Variants in VWF observed in about 807,000 individuals in gnomAD.
VWF encodes the protein Factor VIII related antigen.
VWF carries 176 observed loss-of-function variants against 308.6 expected under a neutral mutation model. The ratio of observed to expected loss-of-function variants is 0.57; its 90% CI spans 0.50 to 0.65. The LOEUF is 0.65. Ranked by LOEUF, VWF falls within the 30% of genes least tolerant of loss-of-function variation. VWF has a pLI of 0.00. For synonymous variants in VWF, 1,385 were observed against 1,443.4 expected, an observed-to-expected ratio of 0.96 and a Z score of 0.92; for missense variants, 3,146 against 3,648.2, an observed-to-expected ratio of 0.86 and a Z score of 3.55.
chr12:6,014,416 G>A (rs1334510476), intron 31 of VWF, among the ~76,000 whole-genome samples: 2 of 152,208 alleles, frequency 1.3e-5, no homozygotes, highest in Non-Finnish European at 2.9e-5. Flanking sequence ...CAGTTAGACA[G>A]CTATTTCAAT....
At chr12:6,116,650 A>G (rs1322103918) in intron 3 of VWF, among the ~76,000 whole-genome samples, 3 of 152,194 alleles carry the variant, frequency 2.0e-5, no homozygotes, top group Non-Finnish European at 4.4e-5. Flanking sequence ...AGCAGGAACC[A>G]GGACTCCCAT....
rs1944115479 is a variant in VWF, at chr12:6,020,290, A to C, written c.3675-547T>G. The stretch of plus-strand genomic sequence containing the variant: ...TAACGAAGAGAGAAAAAATTGGAGC[A>C]AAAACATTGTAGAAAGATGAATAAA... On this transcript the variant is annotated intron_variant, in intron 27 of 51. Transcript: ENST00000261405. The surrounding 1 kb of genome is among the most constrained non-coding windows in gnomAD (Gnocchi z 4.3). Among the ~76,000 whole-genome samples the C allele has an allele frequency of 6.6e-6, 1 of 152,278 alleles. No individual in the cohort carries two copies.
intron 10 of VWF, among the ~76,000 whole-genome samples, chr12:6,069,342 C>A (rs923059695): frequency 6.6e-6 from 1 of 152,076 alleles, no homozygotes; most frequent in Admixed American, 6.5e-5. Context: ...AGCCCAGAGC[C>A]CTTGATGCCA....
At chr12:5,956,066 G>GTCC (rs1355553511) in intron 47 of VWF, among the ~76,000 whole-genome samples, 2 of 152,316 alleles carry the variant, frequency 1.3e-5, no homozygotes, top group East Asian at 3.8e-4. Flanking sequence ...TATGACAACA[G>GTCC]TCCCATAAAA....
rs900547220 is a variant in VWF, at chr12:6,034,791, T to C, written c.2582A>G (p.His861Arg). Residue 861 changes from histidine to arginine, a missense_variant, in exon 20 of 52, where the codon CAT (histidine) becomes CGT (arginine). His to Arg is a conservative substitution (Grantham distance 29). Transcript: ENST00000261405. The stretch of plus-strand genomic sequence containing the variant: ...CGTGGAGCACGTGGCATCACACACA[T>C]GGTCTGTGCAGTTCCACTTCCGGTC... ...CQDRKWNCTD[H>R]VCDATCSTIG... The C allele has an allele frequency of 6.2e-7, 1 of 1,614,216 alleles. No homozygotes were observed. The highest frequency in any genetic ancestry group is 8.5e-7 in the Non-Finnish European group (1 of 1,180,038).
At chr12:6,081,123 C>T (rs1458625111) in intron 6 of VWF, among the ~76,000 whole-genome samples, 3 of 152,216 alleles carry the variant, frequency 2.0e-5, no homozygotes, top group Non-Finnish European at 4.4e-5. Flanking sequence ...AGGCAAACCT[C>T]ACCTCCTTCT....
chr12:6,032,996 CCA>C (rs976914863), intron 20 of VWF, among the ~76,000 whole-genome samples: 7 of 146,760 alleles, frequency 4.8e-5, no homozygotes, highest in Admixed American at 1.3e-4. Context: ...ATGCATACAC[CCA>C]CACACACGCA....
intron 6 of VWF, among the ~76,000 whole-genome samples, chr12:6,084,943 T>G (rs1347527661): frequency 6.6e-6 from 1 of 152,166 alleles, no homozygotes; most frequent in African/African-American, 2.4e-5. Context: ...ATTCCAAGAT[T>G]CTGACTCACA....
At chr12:6,071,190 G>T in intron 10 of VWF, 107 bp downstream of exon 10, 2 of 1,363,622 alleles carry the variant, frequency 1.5e-6, no homozygotes, top group Non-Finnish European at 2.1e-6. Context: ...TGCAGAGAGG[G>T]CAACTTCTCG....
intron 6 of VWF, among the ~76,000 whole-genome samples, chr12:6,076,048 T>C (rs1437439284): frequency 6.6e-6 from 1 of 151,998 alleles, no homozygotes; most frequent in Non-Finnish European, 1.5e-5. Context: ...AATGCAGTAG[T>C]TTGGGATGGG....
At chr12:5,976,057 C>G in intron 43 of VWF, 54 bp downstream of exon 43, 1 of 1,611,824 alleles carries the variant, frequency 6.2e-7, no homozygotes, top group Non-Finnish European at 8.5e-7. Context: ...AGATGCCCTC[C>G]TCTACTTTCC....
intron 19 of VWF, among the ~76,000 whole-genome samples, chr12:6,035,442 G>A (rs1363313472): frequency 6.6e-6 from 1 of 152,104 alleles, no homozygotes; most frequent in Non-Finnish European, 1.5e-5. Context: ...GCCCACTTGT[G>A]CGTCAGAGGT....
intron 47 of VWF, among the ~76,000 whole-genome samples, chr12:5,965,209 C>G (rs1943387986): frequency 6.6e-6 from 1 of 152,178 alleles, no homozygotes; most frequent in African/African-American, 2.4e-5. Context: ...TCCCAGCCAG[C>G]CCCAGAGTTC....
chr12:6,046,710 G>A lies in VWF; in HGVS notation c.2281+13C>T, dbSNP rs183077797. The A allele has an allele frequency of 7.5e-4, 1,210 of 1,613,286 alleles. 1 individual carries two copies. The highest frequency in any genetic ancestry group is 9.9e-4 in the Non-Finnish European group (1,163 of 1,179,276). On this transcript the variant is annotated intron_variant, in intron 17 of 51. Transcript: ENST00000261405. The surrounding 1 kb of genome is among the most constrained non-coding windows in gnomAD (Gnocchi z 5.0). ...GATGGAGTCAATGGGCCTTCCAGGG[G>A]GACAGTACTCACTGCGATGAGACAG...
Position 6,045,371 on chromosome 12 carries a change from A to G in VWF, c.2282-920T>C, listed in dbSNP as rs540969828. On this transcript the variant is annotated intron_variant, in intron 17 of 51. Coordinates refer to ENST00000261405, the MANE Select transcript of VWF (RefSeq NM_000552.5). Reference sequence around the variant, plus strand: ...CCAAAAGGCTAAACGGCTTTTCCCAATCTGCACAGAATCCCAGGAGTTTCC... The same window carrying G: ...CCAAAAGGCTAAACGGCTTTTCCCAGTCTGCACAGAATCCCAGGAGTTTCC... 3.3e-5 allele frequency among the ~76,000 whole-genome samples: 5 copies of G among 152,356 alleles called. No individual in the cohort carries two copies. In the South Asian group the frequency reaches 6.2e-4, roughly 19 times the overall value.
chr12:6,106,963 T>A (rs927925671), intron 5 of VWF, among the ~76,000 whole-genome samples: 3 of 151,660 alleles, frequency 2.0e-5, no homozygotes, highest in Non-Finnish European at 2.9e-5. Context: ...TGTAGAAATC[T>A]ATACACAAAT....
chr12:6,025,621 T>C lies in VWF; in HGVS notation c.3181A>G (p.Arg1061Gly), dbSNP rs753032917. Reference protein sequence around the residue: ...MKQTMVDSSCRILTSDVFQDC... With the variant: ...MKQTMVDSSCGILTSDVFQDC... ...TGGAAGACGTCACTGGTAAGGATTCTACAGGAGGAATCCACCATCGTCTGC... is the reference window on the plus strand; with the variant it reads ...TGGAAGACGTCACTGGTAAGGATTCCACAGGAGGAATCCACCATCGTCTGC... Residue 1061 changes from arginine (R) to glycine (G), a missense_variant, in exon 24 of 52, where the codon AGA becomes GGA. Physicochemically the swap from Arg to Gly is moderately radical, Grantham distance 125. Coordinates refer to ENST00000261405, the MANE Select transcript of VWF (RefSeq NM_000552.5). 16 of 1,543,408 alleles carry C rather than the reference T, an allele frequency of 1.0e-5. No individual in the cohort carries two copies. The highest frequency in any genetic ancestry group is 1.3e-5 in the Non-Finnish European group (15 of 1,118,802).
chr12:6,057,527 T>TA (rs1944598616), intron 14 of VWF, among the ~76,000 whole-genome samples: 1 of 140,522 alleles, frequency 7.1e-6, no homozygotes, highest in Non-Finnish European at 1.5e-5. Context: ...TTATTATTAT[T>TA]TTAATAGAAA....
At chr12:5,977,801 T>C (rs1420107623) in intron 42 of VWF, among the ~76,000 whole-genome samples, 1 of 150,926 alleles carries the variant, frequency 6.6e-6, no homozygotes, top group Non-Finnish European at 1.5e-5. Flanking sequence ...GCCTAGGGGG[T>C]GGAGGCTGAA....
Sources: gnomAD v4.1 joint callset for allele counts (sites outside exome capture counted in the v4.1 genomes callset) on GRCh38, gnomAD v4.1.1 for gene constraint, Gnocchi (gnomAD v3.1) non-coding constraint, MANE v1.5 for transcripts, NCBI Gene and HGNC (gene_info 2026-07-23, HGNC 2026-07-21) for gene names.